The following DCUN1D2 variants were observed in gnomAD, a reference collection of about 807,000 sequenced individuals.
DCUN1D2 encodes the protein DCN1-like protein 2.
A neutral mutation model predicts 30.9 loss-of-function variants in DCUN1D2; 29 were observed. The ratio of observed to expected loss-of-function variants is 0.94; its 90% CI spans 0.70 to 1.28. The LOEUF is 1.28. DCUN1D2 is among the 50% of genes most tolerant of loss of function. The pLI is 0.00. For missense variants in DCUN1D2, 325 were observed against 316.9 expected (o/e 1.03, Z -0.19); for synonymous variants, 121 against 115.3 (o/e 1.05, Z -0.32).
At position 113,490,656 on chromosome 13, in the gene DCUN1D2, G is replaced by C. The variant is rs543989112; in HGVS notation, c.3+11C>G. 366 of 1,246,866 alleles carry C rather than the reference G, an allele frequency of 2.9e-4. 2 individuals carry two copies. In the African/African-American group the frequency reaches 5.3e-3, roughly 18 times the overall value. The allele number at this position is 1,246,866 out of a possible 1,614,324, so 77.2% of individuals were successfully genotyped here. A position where few individuals can be genotyped will look rare whatever the true frequency, so the allele number is the denominator to read the frequency against. Reference sequence around the variant, plus strand: ...GACCCCGACGGGCAGAGGCGACGCCGGGCCACCTACCATCTCCCCCGCGCC... The same window carrying C: ...GACCCCGACGGGCAGAGGCGACGCCCGGCCACCTACCATCTCCCCCGCGCC... On this transcript the variant is annotated intron_variant, in intron 1 of 6. Transcript: ENST00000478244. This position sits in a 1 kb window ranked among gnomAD's most constrained non-coding sequence, Gnocchi z 5.2.
At position 113,480,690 on chromosome 13, in the gene DCUN1D2, C is replaced by T. The variant is rs1330713611; in HGVS notation, c.274G>A (p.Asp92Asn). 1.2e-6 allele frequency: 2 copies of T among 1,613,986 alleles called. No individual in the cohort carries two copies. The highest frequency in any genetic ancestry group is 2.7e-5 in the African/African-American group (2 of 74,924). The stretch of plus-strand genomic sequence containing the variant: ...ATACTGGCAGGATCCAGGCTCAGAT[C>T]ATCACAAAACTGTTGAATCCCATCG... ...GVDGIQQFCD[D>N]LSLDPASISV... Residue 92 changes from aspartate to asparagine, a missense_variant, in exon 3 of 7, where the codon GAT becomes AAT. Asp to Asn is a conservative substitution (Grantham distance 23). Transcript: ENST00000478244.
At chr13:113,474,028 A>T in intron 4 of DCUN1D2, 96 bp downstream of exon 4, 1 of 1,498,976 alleles carries the variant, frequency 6.7e-7, no homozygotes. Context: ...CAAAACCCAA[A>T]AACATTACAG....
chr13:113,467,908 G>A (rs1267106450), intron 4 of DCUN1D2, among the ~76,000 whole-genome samples: 1 of 151,984 alleles, frequency 6.6e-6, no homozygotes, highest in South Asian at 2.1e-4. Flanking sequence ...GCCGGGCGTG[G>A]TGGTGTATGC....
intron 6 of DCUN1D2, among the ~76,000 whole-genome samples, chr13:113,458,346 T>C (rs1475462300): frequency 6.6e-6 from 1 of 152,164 alleles, no homozygotes; most frequent in African/African-American, 2.4e-5. Flanking sequence ...GGGCTCACAG[T>C]GGCCCCGGAT....
At chr13:113,464,622 C>T (rs748205968) in intron 4 of DCUN1D2, among the ~76,000 whole-genome samples, 6 of 152,246 alleles carry the variant, frequency 3.9e-5, no homozygotes, top group African/African-American at 4.8e-5. Context: ...GCGGGGGACA[C>T]GGCAGCCTCT....
intron 1 of DCUN1D2, among the ~76,000 whole-genome samples, chr13:113,485,172 CAGACCCT>C (rs1370803842): frequency 6.6e-6 from 1 of 152,160 alleles, no homozygotes; most frequent in Non-Finnish European, 1.5e-5. Flanking sequence ...TAAATCCAAA[CAGACCCT>C]AGAATCCACT....
At chr13:113,458,237 T>C in intron 6 of DCUN1D2, 129 bp from the exon 7 acceptor site, 1 of 824,038 alleles carries the variant, frequency 1.2e-6, no homozygotes, top group Non-Finnish European at 2.0e-6. Context: ...CCATTTGTGT[T>C]TCACAGAATG....
chr13:113,482,243 T>C (rs1342117463), intron 2 of DCUN1D2, among the ~76,000 whole-genome samples: 1 of 152,246 alleles, frequency 6.6e-6, no homozygotes, highest in Non-Finnish European at 1.5e-5. Flanking sequence ...ACCACGTTTC[T>C]ACTTTAACTG....
At chr13:113,487,550 G>A (rs947225782) in intron 1 of DCUN1D2, among the ~76,000 whole-genome samples, 6 of 151,896 alleles carry the variant, frequency 4.0e-5, no homozygotes, top group Non-Finnish European at 5.9e-5. Context: ...CCAGCCACAC[G>A]GTGCACGACT....
chr13:113,472,967 A>C, intron 4 of DCUN1D2, among the ~76,000 whole-genome samples: 5 of 122,260 alleles, frequency 4.1e-5, no homozygotes, highest in South Asian at 2.9e-4. Context: ...CTGCTCCCGT[A>C]CCTCTGTCCT....
upstream of DCUN1D2, chr13:113,491,375 T>G (rs1014790868): frequency 5.4e-5 from 8 of 148,668 alleles, no homozygotes; most frequent in African/African-American, 2.0e-4. Flanking sequence ...GGGGCTCACC[T>G]TCCCTTCTTC....
chr13:113,470,873 C>T (rs373854464), intron 4 of DCUN1D2, among the ~76,000 whole-genome samples: 22 of 147,338 alleles, frequency 1.5e-4, no homozygotes, highest in African/African-American at 5.6e-4. Context: ...CACAGGGAAC[C>T]CAGCTCCAAA....
intron 4 of DCUN1D2, among the ~76,000 whole-genome samples, chr13:113,472,670 A>G (rs2139708096): frequency 6.6e-6 from 1 of 152,332 alleles, no homozygotes; most frequent in Admixed American, 6.5e-5. Context: ...GGATCATCCC[A>G]GCTCACAAAC....
chr13:113,474,405 A>G (rs2044577062), intron 3 of DCUN1D2, 151 bp from the exon 4 acceptor site: 2 of 1,030,894 alleles, frequency 1.9e-6, no homozygotes, highest in South Asian at 3.2e-5. Flanking sequence ...CTAAGGCTCT[A>G]AGTGATGATG....
At chr13:113,458,362 G>A (rs1239925519) in intron 6 of DCUN1D2, among the ~76,000 whole-genome samples, 2 of 152,340 alleles carry the variant, frequency 1.3e-5, no homozygotes, top group East Asian at 3.9e-4. Context: ...CGGATGCTCG[G>A]TGAGTGCCCC....
chr13:113,459,424 A>G lies in DCUN1D2; in HGVS notation c.604-16T>C, dbSNP rs750977189. 10 of 1,239,598 alleles carry G rather than the reference A, an allele frequency of 8.1e-6. No homozygotes were observed. Among genetic ancestry groups the G allele is most frequent in the Admixed American group, 3.8e-5 (2 of 52,824 alleles). 76.8% of individuals were successfully genotyped at this position (1,239,598 alleles called of 1,614,324 possible). A position where few individuals can be genotyped will look rare whatever the true frequency, so the allele number is the denominator to read the frequency against. ...TGTGATGTTCCTAATATATGAGAGA[A>G]AAAAAAAACCCACCAGGTTTAAAAT... On this transcript the variant is annotated splice_polypyrimidine_tract_variant and intron_variant, in intron 5 of 6. Transcript: ENST00000478244.
chr13:113,481,060 T>C (rs2044699606), intron 2 of DCUN1D2, among the ~76,000 whole-genome samples: 1 of 152,158 alleles, frequency 6.6e-6, no homozygotes, highest in Non-Finnish European at 1.5e-5. Flanking sequence ...AAAATTTAAG[T>C]TTACAGAAAT....
Position 113,484,003 on chromosome 13 carries a change from AG to A in DCUN1D2, c.56del (p.Thr19IlefsTer12). On this transcript the variant is annotated frameshift_variant, in exon 2 of 7. Coordinates refer to ENST00000478244, the MANE Select transcript of DCUN1D2 (RefSeq NM_001014283.2). LOFTEE classifies it high-confidence loss of function. ...AGATAGCAGTTCTCTCGCCAGCCTG[AG>A]TGCACGCCATAAACTGGCGGACCTT... ...KDKVRQFMAC[T>X]QAGERTAIYC... 6.2e-7 allele frequency: 1 copy of A among 1,614,202 alleles called. No homozygotes were observed. Among genetic ancestry groups the A allele is most frequent in the Non-Finnish European group, 8.5e-7 (1 of 1,180,054 alleles).
intron 4 of DCUN1D2, among the ~76,000 whole-genome samples, chr13:113,464,516 A>G (rs1272124398): frequency 6.6e-6 from 1 of 152,256 alleles, no homozygotes; most frequent in African/African-American, 2.4e-5. Flanking sequence ...TTTAGACTCT[A>G]ATTTATAACC....
Sources: gnomAD v4.1 joint callset for allele counts (sites outside exome capture counted in the v4.1 genomes callset) on GRCh38, gnomAD v4.1.1 for gene constraint, Gnocchi (gnomAD v3.1) non-coding constraint, MANE v1.5 for transcripts, NCBI Gene and HGNC (gene_info 2026-07-23, HGNC 2026-07-21) for gene names.